The following KIAA1217 variants were observed in gnomAD, a reference collection of about 807,000 sequenced individuals.
KIAA1217 encodes sickle tail protein homolog.
KIAA1217 carries 88 observed loss-of-function variants against 163.9 expected under a neutral mutation model. The observed-to-expected ratio is 0.54, with a 90% CI of 0.45 to 0.64. The LOEUF (loss-of-function observed/expected upper bound fraction) is 0.64, where lower values mean the gene tolerates loss of function less well. KIAA1217 is among the 30% of genes least tolerant of loss of function. The pLI is 0.00. For missense variants in KIAA1217, 2,372 were observed against 2,475.0 expected (o/e 0.96, Z 0.88); for synonymous variants, 903 against 923.1 (o/e 0.98, Z 0.39).
At chr10:24,401,904 AG>A (rs1320725937) in intron 3 of KIAA1217, among the ~76,000 whole-genome samples, 2 of 152,248 alleles carry the variant, frequency 1.3e-5, no homozygotes, top group Admixed American at 6.5e-5. Flanking sequence ...CTATATACTA[AG>A]AATGAGCAAA....
chr10:23,954,791 CTG>C (rs894665840), intron 1 of KIAA1217, among the ~76,000 whole-genome samples: 6 of 152,108 alleles, frequency 3.9e-5, no homozygotes, highest in African/African-American at 1.4e-4. Context: ...GATAAGAAAA[CTG>C]AGTCTCAGAA....
At chr10:24,480,602 T>C (rs1470282412) in intron 6 of KIAA1217, among the ~76,000 whole-genome samples, 1 of 152,174 alleles carries the variant, frequency 6.6e-6, no homozygotes, top group Non-Finnish European at 1.5e-5. Context: ...CTCATTACAG[T>C]TCAGTGTGTT....
intron 13 of KIAA1217, among the ~76,000 whole-genome samples, chr10:24,525,652 G>T (rs756401009): frequency 6.6e-6 from 1 of 152,092 alleles, no homozygotes; most frequent in South Asian, 2.1e-4. Context: ...AAGAATGAAC[G>T]GTAGAGCAGT....
chr10:24,157,858 C>G (rs79017254), intron 2 of KIAA1217: 17,916 of 551,204 alleles, frequency 0.033, 376 homozygotes, highest in Non-Finnish European at 0.046. Context: ...CCATGGAACT[C>G]CAGGTGCCTG....
chr10:23,810,933 A>G (rs1836999136), intron 1 of KIAA1217, among the ~76,000 whole-genome samples: 1 of 118,800 alleles, frequency 8.4e-6, no homozygotes, highest in Non-Finnish European at 1.6e-5. Context: ...TATAGTATAT[A>G]TACTATAGTA....
chr10:24,473,593 G>A lies in KIAA1217; in HGVS notation c.1212G>A (p.Met404Ile). The change falls in exon 6 of 21, where the codon ATG becomes ATA. Residue 404 changes from methionine to isoleucine, a missense_variant. Physicochemically the swap from Met to Ile is conservative, Grantham distance 10 (BLOSUM62 1). This residue lies in a region of KIAA1217 where 1,431 missense variants were observed against 1,470.3 expected (regional missense o/e 0.97). Transcript: ENST00000376454. The part of the protein sequence containing the change: ...ADPYLYHEGR[M>I]SIASSHGGHP... ...CTTACCTTTATCACGAGGGACGGAT[G>A]AGCATAGCCTCATCCCATGGTGGAC... 3.1e-6 allele frequency: 5 copies of A among 1,614,088 alleles called. No individual in the cohort carries two copies. In the East Asian group the frequency reaches 6.7e-5, roughly 22 times the overall value.
At chr10:24,034,827 C>G (rs1444191858) in intron 2 of KIAA1217, among the ~76,000 whole-genome samples, 4 of 152,192 alleles carry the variant, frequency 2.6e-5, no homozygotes, top group Admixed American at 6.5e-5. Context: ...TGCTGCCTTC[C>G]CATCTGCTCT....
intron 3 of KIAA1217, among the ~76,000 whole-genome samples, chr10:24,408,314 A>G (rs188157748): frequency 1.3e-5 from 2 of 152,302 alleles, no homozygotes. Context: ...ATCATGAGCT[A>G]TCAACCCACC....
chr10:24,504,245 A>G lies in KIAA1217; in HGVS notation c.2001+2700A>G, dbSNP rs186854190. On this transcript the variant is annotated intron_variant, in intron 9 of 20. Transcript: ENST00000376454. ...ACACAAGTTTCTTTATTGCTCCAGA[A>G]CTACTCAACTTTTCTGGCTTTCTGG... Among the ~76,000 whole-genome samples the G allele has an allele frequency of 4.9e-4, 75 of 152,320 alleles. 1 individual carries two copies. Among genetic ancestry groups the G allele is most frequent in the African/African-American group, 1.7e-3 (70 of 41,556 alleles).
chr10:24,490,708 A>G (rs1199356399), intron 6 of KIAA1217, among the ~76,000 whole-genome samples: 2 of 152,222 alleles, frequency 1.3e-5, no homozygotes, highest in South Asian at 2.1e-4. Context: ...ATACACTTGT[A>G]TTCGGTGCTC....
At chr10:24,136,215 A>G (rs996325492) in intron 2 of KIAA1217, among the ~76,000 whole-genome samples, 4 of 152,122 alleles carry the variant, frequency 2.6e-5, no homozygotes, top group Non-Finnish European at 5.9e-5. Flanking sequence ...CTGGAGGTCT[A>G]TGCATATTTG....
chr10:24,269,329 C>G (rs190936947), intron 2 of KIAA1217, among the ~76,000 whole-genome samples: 2 of 151,736 alleles, frequency 1.3e-5, no homozygotes, highest in Non-Finnish European at 2.9e-5. Flanking sequence ...TTGAGACCAC[C>G]CTGGGCAACA....
rs116225054 is a variant in KIAA1217 at position 24,211,951 on chromosome 10, G to A, written c.70+2688G>A. Among the ~76,000 whole-genome samples, 806 of 152,160 alleles carry A rather than the reference G, an allele frequency of 5.3e-3. 10 individuals are homozygous for A. The highest frequency in any genetic ancestry group is 0.019 in the African/African-American group (776 of 41,488). ...CCCAGCTACTTGGGAGGCTGAGGCA[G>A]GAGGATCACTTCAGCCAGGAGGTTG... On this transcript the variant is annotated intron_variant, in intron 1 of 20. Coordinates refer to ENST00000376454, the MANE Select transcript of KIAA1217 (RefSeq NM_019590.5).
intron 11 of KIAA1217, among the ~76,000 whole-genome samples, chr10:24,521,510 G>A (rs757467585): frequency 6.6e-6 from 1 of 152,016 alleles, no homozygotes; most frequent in Middle Eastern, 3.2e-3. Context: ...CTGTCAGCCA[G>A]TCAAATTAAA....
At chr10:24,090,793 T>C (rs1453738439) in intron 2 of KIAA1217, among the ~76,000 whole-genome samples, 1 of 151,860 alleles carries the variant, frequency 6.6e-6, no homozygotes, top group Non-Finnish European at 1.5e-5. Context: ...TAGAATAAAT[T>C]TCTCAAAAGG....
At chr10:24,052,339 T>C (rs764912433) in intron 2 of KIAA1217, among the ~76,000 whole-genome samples, 5 of 152,146 alleles carry the variant, frequency 3.3e-5, no homozygotes, top group Non-Finnish European at 5.9e-5. Context: ...CGTTAAAAAA[T>C]CACAAAATGA....
chr10:23,724,306 G>A (rs1371984180), intron 1 of KIAA1217, among the ~76,000 whole-genome samples: 1 of 152,170 alleles, frequency 6.6e-6, no homozygotes, highest in Admixed American at 6.5e-5. Context: ...TAATTCCTAT[G>A]TGCTTTCTCT....
intron 1 of KIAA1217, among the ~76,000 whole-genome samples, chr10:23,859,442 A>G (rs1041653731): frequency 2.0e-5 from 3 of 152,232 alleles, no homozygotes; most frequent in African/African-American, 7.2e-5. Context: ...TTTCTAATCT[A>G]GGTTGAAATA....
intron 1 of KIAA1217, among the ~76,000 whole-genome samples, chr10:23,878,215 G>C (rs563782810): frequency 3.9e-5 from 6 of 151,974 alleles, no homozygotes; most frequent in East Asian, 3.9e-4. Flanking sequence ...TTCTCACGTA[G>C]AGCACATTCT....
Sources: allele counts gnomAD v4.1 joint callset (sites outside exome capture counted in the v4.1 genomes callset), GRCh38; gene constraint gnomAD v4.1.1; regional missense constraint gnomAD v4.1.1; transcripts MANE v1.5; gene names NCBI Gene and HGNC (gene_info 2026-07-23, HGNC 2026-07-21).